Variants in FHIT observed in about 807,000 individuals in gnomAD.
FHIT encodes the protein bis(5'-adenosyl)-triphosphatase.
Under a neutral mutation model 17.9 loss-of-function variants are expected in FHIT, and 19 were observed. The ratio of observed to expected loss-of-function variants is 1.06; its 90% confidence interval spans 0.74 to 1.56. The LOEUF (loss-of-function observed/expected upper bound fraction) is 1.56. Ranked by LOEUF, FHIT falls within the 40% of genes most tolerant of loss-of-function variation. The pLI is 0.00. For synonymous variants in FHIT, 81 were observed against 69.7 expected, an observed-to-expected ratio of 1.16 and a Z score of -0.81; for missense variants, 248 against 189.2, an observed-to-expected ratio of 1.31 and a Z score of -1.82.
At chr3:61,237,580 T>C (rs533952920) in intron 1 of FHIT, among the ~76,000 whole-genome samples, 1 of 152,334 alleles carries the variant, frequency 6.6e-6, no homozygotes, top group East Asian at 1.9e-4. Flanking sequence ...ATTTATAAAG[T>C]AAAAACTGGA....
intron 8 of FHIT, among the ~76,000 whole-genome samples, chr3:59,806,785 G>A (rs2107016999): frequency 6.6e-6 from 1 of 152,104 alleles, no homozygotes; most frequent in South Asian, 2.1e-4. Flanking sequence ...ACATGGGGGT[G>A]TCCTCTTAGT....
intron 8 of FHIT, among the ~76,000 whole-genome samples, chr3:59,873,391 A>T (rs1297697417): frequency 2.6e-5 from 4 of 152,138 alleles, no homozygotes; most frequent in African/African-American, 9.7e-5. Context: ...AAACAAACCA[A>T]CTTCTAACAA....
intron 4 of FHIT, among the ~76,000 whole-genome samples, chr3:60,705,594 A>G (rs782611903): frequency 1.2e-4 from 19 of 152,348 alleles, no homozygotes; most frequent in Middle Eastern, 3.4e-3. Context: ...GTTTTATGCC[A>G]TTACCAGATC....
At chr3:60,801,253 C>A (rs1205004032) in intron 4 of FHIT, among the ~76,000 whole-genome samples, 1 of 152,146 alleles carries the variant, frequency 6.6e-6, no homozygotes, top group Admixed American at 6.5e-5. Flanking sequence ...TCTTATACTT[C>A]CAGGTTGCCA....
intron 5 of FHIT, among the ~76,000 whole-genome samples, chr3:60,515,070 G>A (rs551254362): frequency 6.6e-6 from 1 of 152,164 alleles, no homozygotes; most frequent in South Asian, 2.1e-4. Context: ...ACAAAACAGT[G>A]GGCACCGCAA....
chr3:61,049,162 T>G (rs554393642), intron 2 of FHIT, among the ~76,000 whole-genome samples: 2 of 151,286 alleles, frequency 1.3e-5, no homozygotes, highest in East Asian at 3.9e-4. Flanking sequence ...AATCCATAAC[T>G]TCATAATGAC....
chr3:59,933,657 C>A (rs528455449), intron 7 of FHIT, among the ~76,000 whole-genome samples: 1 of 152,276 alleles, frequency 6.6e-6, no homozygotes, highest in South Asian at 2.1e-4. Flanking sequence ...ATGCCCCAGT[C>A]TGTTTGGAAC....
chr3:59,949,694 T>G (rs757343289), intron 7 of FHIT, among the ~76,000 whole-genome samples: 1 of 152,230 alleles, frequency 6.6e-6, no homozygotes, highest in Non-Finnish European at 1.5e-5. Context: ...TACGCCAACC[T>G]GGGGCTCACA....
At chr3:60,276,822 G>C (rs999762348) in intron 5 of FHIT, among the ~76,000 whole-genome samples, 12 of 152,128 alleles carry the variant, frequency 7.9e-5, no homozygotes, top group African/African-American at 1.9e-4. Context: ...GAAAGAGAGA[G>C]AGTAGAGGAA....
intron 5 of FHIT, among the ~76,000 whole-genome samples, chr3:60,451,795 T>C (rs545629116): frequency 3.3e-5 from 5 of 152,038 alleles, no homozygotes; most frequent in South Asian, 2.1e-4. Flanking sequence ...CACTGGGAGA[T>C]TGCATAAGGA....
chr3:60,676,242 ATC>A (rs1553695352), intron 4 of FHIT, among the ~76,000 whole-genome samples: 1 of 152,150 alleles, frequency 6.6e-6, no homozygotes, highest in Non-Finnish European at 1.5e-5. Context: ...AGCTTTTTCA[ATC>A]TCTCTGCATA....
At chr3:59,898,912 C>T (rs1024244548) in intron 8 of FHIT, among the ~76,000 whole-genome samples, 2 of 152,256 alleles carry the variant, frequency 1.3e-5, no homozygotes, top group Admixed American at 1.3e-4. Context: ...AGATAGAATC[C>T]TCCTCCATGA....
intron 2 of FHIT, among the ~76,000 whole-genome samples, chr3:61,107,120 T>G (rs368332819): frequency 5.3e-5 from 8 of 152,318 alleles, no homozygotes; most frequent in African/African-American, 1.9e-4. Flanking sequence ...CCAACAATTC[T>G]CCAACTGCCC....
At chr3:60,012,070 C>T (rs1700158982) in intron 6 of FHIT, among the ~76,000 whole-genome samples, 1 of 152,114 alleles carries the variant, frequency 6.6e-6, no homozygotes, top group South Asian at 2.1e-4. Context: ...AATTTCACCT[C>T]TGCAACTTTA....
At chr3:61,054,745 C>T (rs763082753) in intron 2 of FHIT, among the ~76,000 whole-genome samples, 17 of 152,198 alleles carry the variant, frequency 1.1e-4, no homozygotes, top group Admixed American at 6.5e-5. Context: ...GGATGGACAG[C>T]TGTCTCCTCC....
chr3:60,014,220 C>G, intron 5 of FHIT, 68 bp from the exon 6 acceptor site: 1 of 1,532,050 alleles, frequency 6.5e-7, no homozygotes, highest in Non-Finnish European at 9.0e-7. Context: ...CAGTTCATAC[C>G]CACAGGATTG....
chr3:59,994,861 A>G (rs535149536), intron 7 of FHIT, among the ~76,000 whole-genome samples: 24 of 152,202 alleles, frequency 1.6e-4, no homozygotes, highest in Admixed American at 3.9e-4. Flanking sequence ...TTGTCTATGC[A>G]CTAAGTTACT....
intron 7 of FHIT, among the ~76,000 whole-genome samples, chr3:59,952,061 G>A (rs763834021): frequency 2.6e-5 from 4 of 152,136 alleles, no homozygotes; most frequent in Non-Finnish European, 4.4e-5. Context: ...ACCTAAAGGG[G>A]TACTGAGAAT....
Position 60,129,616 on chromosome 3 carries a change from A to G in FHIT, c.104-115464T>C, listed in dbSNP as rs183825520. On this transcript the variant is annotated intron_variant, in intron 5 of 9. Coordinates refer to ENST00000492590, the MANE Select transcript of FHIT (RefSeq NM_002012.4). The stretch of plus-strand genomic sequence containing the variant: ...TATATTATGTACGTAAAGTCCTAGG[A>G]GATGCCCTAAGTCTACTATAAGTGA... 3.9e-5 allele frequency among the ~76,000 whole-genome samples: 6 copies of G among 152,292 alleles called. No homozygotes were observed. In the East Asian group the frequency reaches 1.2e-3, roughly 29 times the overall value.
Sources: gnomAD v4.1 joint callset for allele counts (sites outside exome capture counted in the v4.1 genomes callset) on GRCh38, gnomAD v4.1.1 for gene constraint, MANE v1.5 for transcripts, NCBI Gene and HGNC (gene_info 2026-07-23, HGNC 2026-07-21) for gene names.